Variants in MAST4 observed in about 807,000 individuals in gnomAD.
MAST4 encodes microtubule associated serine/threonine kinase family member 4.
MAST4 carries 89 observed loss-of-function variants against 162.7 expected under a neutral mutation model. The ratio of observed to expected loss-of-function variants is 0.55; its 90% CI spans 0.46 to 0.65. The LOEUF (loss-of-function observed/expected upper bound fraction) is 0.65, where lower values mean the gene tolerates loss of function less well. Among genes scored for constraint, MAST4 ranks in the 30% least tolerant of loss-of-function variants. MAST4 has a pLI of 0.00. For missense variants in MAST4, 3,153 were observed against 3,374.0 expected (o/e 0.93, Z 1.62); for synonymous variants, 1,479 against 1,361.1 (o/e 1.09, Z -1.91).
In MAST4 at chr5:66,823,051, G is replaced by A. The variant is rs953358348; in HGVS notation, c.642+34257G>A. 3.3e-5 allele frequency among the ~76,000 whole-genome samples: 5 copies of A among 152,126 alleles called. No individual in the cohort carries two copies. The East Asian group carries it at 7.7e-4, about 23-fold the overall frequency. On this transcript the variant is annotated intron_variant, in intron 3 of 28. Coordinates refer to ENST00000403625, the MANE Select transcript of MAST4 (RefSeq NM_001164664.2). ...GCAGTTTCCCCCATGCTGTTCTCAT[G>A]GTAGTGAGTGAGTTCTCATGAGATC...
chr5:66,881,071 CTG>C (rs1761662542), intron 3 of MAST4, among the ~76,000 whole-genome samples: 1 of 152,224 alleles, frequency 6.6e-6, no homozygotes, highest in Non-Finnish European at 1.5e-5. Context: ...AGCACCAAGA[CTG>C]AAAACAAAAC....
At chr5:67,131,710 T>C in intron 15 of MAST4, 103 bp from the exon 16 acceptor site, 1 of 1,158,122 alleles carries the variant, frequency 8.6e-7, no homozygotes, top group South Asian at 1.5e-5. Context: ...ATATGCTGTG[T>C]CTATGGGTAG....
At chr5:66,780,961 A>G (rs1001053279) in intron 2 of MAST4, among the ~76,000 whole-genome samples, 3 of 152,206 alleles carry the variant, frequency 2.0e-5, no homozygotes, top group African/African-American at 2.4e-5. Flanking sequence ...TCACCTCTCA[A>G]TACAATATCT....
chr5:66,805,489 G>T (rs932016118), intron 3 of MAST4, among the ~76,000 whole-genome samples: 1 of 152,118 alleles, frequency 6.6e-6, no homozygotes, highest in African/African-American at 2.4e-5. Context: ...ATCTCTGGCA[G>T]TATCTTTATC....
At chr5:67,110,675 C>T (rs978713327) in intron 11 of MAST4, among the ~76,000 whole-genome samples, 8 of 152,162 alleles carry the variant, frequency 5.3e-5, no homozygotes, top group African/African-American at 1.9e-4. Flanking sequence ...ACAGTAGAGC[C>T]TCATGCAGAC....
chr5:67,162,121 G>C (rs1160501607), intron 27 of MAST4, among the ~76,000 whole-genome samples: 2 of 152,136 alleles, frequency 1.3e-5, no homozygotes, highest in African/African-American at 4.8e-5. Context: ...ATATTCAAGA[G>C]CCCACAATGG....
rs556351579 is a variant in MAST4, at chr5:66,624,698, T to C, written c.363+27680T>C. The stretch of plus-strand genomic sequence containing the variant: ...CATGGTACTGCTATAAAAGCAGATA[T>C]ACTGGCCAGTGGAAAAGAATAGAGA... On this transcript the variant is annotated intron_variant, in intron 1 of 28. Coordinates refer to ENST00000403625, the MANE Select transcript of MAST4 (RefSeq NM_001164664.2). 2.0e-5 allele frequency among the ~76,000 whole-genome samples: 3 copies of C among 152,336 alleles called. No homozygotes were observed. The South Asian group carries it at 6.2e-4, about 32-fold the overall frequency.
At chr5:67,078,002 G>A (rs1396133698) in intron 5 of MAST4, among the ~76,000 whole-genome samples, 1 of 152,132 alleles carries the variant, frequency 6.6e-6, no homozygotes, top group Non-Finnish European at 1.5e-5. Context: ...GGGAGGCTGA[G>A]GCAGGAGAAT....
chr5:66,617,685 C>T (rs906814349), intron 1 of MAST4, among the ~76,000 whole-genome samples: 4 of 152,148 alleles, frequency 2.6e-5, no homozygotes, highest in African/African-American at 9.7e-5. Flanking sequence ...TAACCATACC[C>T]TTTGTTCTTT....
chr5:66,694,631 C>T (rs1364776025), intron 1 of MAST4, among the ~76,000 whole-genome samples: 1 of 152,040 alleles, frequency 6.6e-6, no homozygotes, highest in African/African-American at 2.4e-5. Flanking sequence ...GGACTACAGG[C>T]GTGTGCCACC....
intron 1 of MAST4, among the ~76,000 whole-genome samples, chr5:66,690,913 G>A (rs1580206783): frequency 6.6e-6 from 1 of 152,176 alleles, no homozygotes; most frequent in South Asian, 2.1e-4. Context: ...TTTTGAAGTA[G>A]AATGTTGATA....
chr5:66,618,675 C>T (rs1015076492), intron 1 of MAST4, among the ~76,000 whole-genome samples: 1 of 141,574 alleles, frequency 7.1e-6, no homozygotes, highest in Non-Finnish European at 1.6e-5. Context: ...GATGTTTACC[C>T]TGATCACTTT....
intron 14 of MAST4, among the ~76,000 whole-genome samples, chr5:67,121,415 G>A (rs1286273217): frequency 6.7e-6 from 1 of 149,948 alleles, no homozygotes; most frequent in Non-Finnish European, 1.5e-5. Flanking sequence ...CCTGACTCTT[G>A]ATTGAAATAT....
At chr5:67,054,617 C>T in intron 5 of MAST4, 125 bp downstream of exon 5, 3 of 848,190 alleles carry the variant, frequency 3.5e-6, no homozygotes, top group Admixed American at 3.1e-5. Flanking sequence ...CTGTTTTATC[C>T]CTAAGTTGTT....
intron 3 of MAST4, among the ~76,000 whole-genome samples, chr5:66,895,377 T>C (rs1418959638): frequency 6.6e-6 from 1 of 152,174 alleles, no homozygotes; most frequent in African/African-American, 2.4e-5. Flanking sequence ...TTACATACCA[T>C]CTTAGTGTTA....
At chr5:67,020,770 C>G (rs946886455) in intron 4 of MAST4, among the ~76,000 whole-genome samples, 1 of 152,180 alleles carries the variant, frequency 6.6e-6, no homozygotes, top group Non-Finnish European at 1.5e-5. Flanking sequence ...AATCAGCAAG[C>G]CTTTTTTGTA....
At chr5:67,108,422 T>C (rs191068485) in intron 10 of MAST4, among the ~76,000 whole-genome samples, 5 of 152,292 alleles carry the variant, frequency 3.3e-5, no homozygotes, top group Admixed American at 3.3e-4. Flanking sequence ...TGTAACCGTA[T>C]TTTTTGGCAT....
intron 3 of MAST4, among the ~76,000 whole-genome samples, chr5:66,820,885 G>C (rs1322102450): frequency 6.6e-6 from 1 of 151,676 alleles, no homozygotes; most frequent in Admixed American, 6.6e-5. Context: ...GAAATAATAA[G>C]AGAAAAAAAA....
At chr5:66,728,067 T>C (rs1202371743) in intron 1 of MAST4, among the ~76,000 whole-genome samples, 2 of 152,146 alleles carry the variant, frequency 1.3e-5, no homozygotes, top group African/African-American at 4.8e-5. Flanking sequence ...GATTGTTTCA[T>C]GAGGATTAAA....
Sources: allele counts gnomAD v4.1 joint callset (sites outside exome capture counted in the v4.1 genomes callset), GRCh38; gene constraint gnomAD v4.1.1; transcripts MANE v1.5; gene names NCBI Gene and HGNC (gene_info 2026-07-23, HGNC 2026-07-21).